GK5: variants seen among roughly 807,000 people sequenced by gnomAD.
GK5 encodes the protein ATP:glycerol 3-phosphotransferase 5.
A neutral mutation model predicts 77.3 loss-of-function variants in GK5; 39 were observed. The observed-to-expected ratio is 0.50, with a 90% CI of 0.39 to 0.66. The LOEUF is 0.66. Among genes scored for constraint, GK5 ranks in the 30% least tolerant of loss-of-function variants. The pLI is 0.00. For synonymous variants in GK5, 211 were observed against 208.0 expected (o/e 1.01, Z -0.13); for missense variants, 487 against 633.8 (o/e 0.77, Z 2.49).
intron 1 of GK5, among the ~76,000 whole-genome samples, chr3:142,222,125 T>C (rs956578821): frequency 1.3e-5 from 2 of 152,228 alleles, no homozygotes; most frequent in Admixed American, 6.5e-5. Flanking sequence ...ATTCCTAACA[T>C]TTTAACTGCA....
chr3:142,207,939 G>A (rs956233562), intron 3 of GK5, among the ~76,000 whole-genome samples: 4 of 152,134 alleles, frequency 2.6e-5, no homozygotes, highest in African/African-American at 9.7e-5. Context: ...TCGCTTTAGA[G>A]ATCCAAATGG....
intron 5 of GK5, among the ~76,000 whole-genome samples, chr3:142,197,174 G>A (rs936362786): frequency 7.9e-5 from 12 of 151,824 alleles, no homozygotes; most frequent in African/African-American, 2.9e-4. Flanking sequence ...GTGACAGAGT[G>A]AGACTCCGTC....
chr3:142,206,907 AT>A (rs1245064700), intron 3 of GK5, among the ~76,000 whole-genome samples: 1 of 152,228 alleles, frequency 6.6e-6, no homozygotes, highest in African/African-American at 2.4e-5. Flanking sequence ...CCAACCTATG[AT>A]TGCTACGGTT....
At chr3:142,210,693 C>T (rs1473179578) in intron 3 of GK5, among the ~76,000 whole-genome samples, 2 of 152,190 alleles carry the variant, frequency 1.3e-5, no homozygotes, top group African/African-American at 4.8e-5. Flanking sequence ...AAGTCTTATC[C>T]CTCTACAACA....
intron 9 of GK5, 87 bp from the exon 10 acceptor site, chr3:142,183,136 T>G (rs2063720012): frequency 8.8e-7 from 1 of 1,142,642 alleles, no homozygotes; most frequent in African/African-American, 1.6e-5. Flanking sequence ...TGTACTCTCA[T>G]GATTAAACAT....
chr3:142,160,881 G>A lies in GK5; in HGVS notation c.*4741C>T, dbSNP rs145089667. ...CTACAGGGGCATACCACCACACCTGGCTAATTTAAAAAAAATTTTTTTGTA... is the reference window on the plus strand; with the variant it reads ...CTACAGGGGCATACCACCACACCTGACTAATTTAAAAAAAATTTTTTTGTA... On this transcript the variant is annotated 3_prime_UTR_variant, in exon 16 of 16. Transcript: ENST00000392993. The A allele has an allele frequency of 6.6e-6, 1 of 152,056 alleles. No individual in the cohort carries two copies. The highest frequency in any genetic ancestry group is 1.5e-5 in the Non-Finnish European group (1 of 68,008). The allele number at this position is 152,056 out of a possible 1,614,324, so 9.4% of individuals were successfully genotyped here.
At chr3:142,223,184 T>A (rs1199375472) in intron 1 of GK5, among the ~76,000 whole-genome samples, 3 of 152,242 alleles carry the variant, frequency 2.0e-5, no homozygotes, top group Non-Finnish European at 2.9e-5. Flanking sequence ...AAAAAACTAA[T>A]GATCTGCCCC....
rs1036163060 is a variant in GK5, at chr3:142,220,144, AT to A, written c.148-4453del. Among the ~76,000 whole-genome samples the A allele has an allele frequency of 6.3e-4, 94 of 149,636 alleles. No individual in the cohort carries two copies. In the East Asian group the frequency reaches 6.6e-3, roughly 11 times the overall value. On this transcript the variant is annotated intron_variant, in intron 1 of 15. Coordinates refer to ENST00000392993, the MANE Select transcript of GK5 (RefSeq NM_001039547.3). Reference sequence around the variant, plus strand: ...ATAGGATCAGACCAGATTTTAACAAATTTTTTTTTTTGAGACGGAGTCTCGC... The same window carrying A: ...ATAGGATCAGACCAGATTTTAACAAATTTTTTTTTTGAGACGGAGTCTCGC...
intron 5 of GK5, among the ~76,000 whole-genome samples, chr3:142,193,243 CT>C (rs1252610930): frequency 6.6e-6 from 1 of 152,102 alleles, no homozygotes; most frequent in East Asian, 1.9e-4. Flanking sequence ...TAAAACTACT[CT>C]AAAATTAAAG....
chr3:142,173,260 A>T (rs1377463597), intron 12 of GK5: 1 of 405,162 alleles, frequency 2.5e-6, no homozygotes, highest in Non-Finnish European at 4.8e-6. Context: ...TTACTGCCTA[A>T]TATCAGAAAT....
At chr3:142,209,333 G>A (rs2064159611) in intron 3 of GK5, among the ~76,000 whole-genome samples, 1 of 152,174 alleles carries the variant, frequency 6.6e-6, no homozygotes, top group Non-Finnish European at 1.5e-5. Flanking sequence ...GCAAGATAAA[G>A]CGTGTCTTAG....
intron 9 of GK5, 196 bp downstream of exon 9, chr3:142,185,733 G>T: frequency 6.5e-7 from 1 of 1,537,416 alleles, no homozygotes. Flanking sequence ...TAGAATACTG[G>T]CTCAATGGTC....
chr3:142,219,393 TAAAA>T (rs1211974288), intron 1 of GK5, among the ~76,000 whole-genome samples: 2 of 151,902 alleles, frequency 1.3e-5, no homozygotes, highest in African/African-American at 4.8e-5. Context: ...TACTCAGAAA[TAAAA>T]AAGAATAAAC....
chr3:142,185,274 G>A (rs2063753331), intron 9 of GK5: 1 of 332,990 alleles, frequency 3.0e-6, no homozygotes, highest in Non-Finnish European at 4.3e-6. Context: ...TTAGCCAGGT[G>A]TCGTGGCACA....
Position 142,187,754 on chromosome 3 carries a change from T to G in GK5, c.569A>C (p.Asn190Thr). 1.2e-6 allele frequency: 2 copies of G among 1,612,612 alleles called. No homozygotes were observed. Among genetic ancestry groups the G allele is most frequent in the Non-Finnish European group, 1.7e-6 (2 of 1,179,606 alleles). The change falls in exon 6 of 16, where the codon AAT becomes ACT. Residue 190 changes from asparagine (N) to threonine (T), a missense_variant. Transcript: ENST00000392993. Reference protein sequence around the residue: ...TEVQKAVEEENCCFGTIDTWL... With the variant: ...TEVQKAVEEETCCFGTIDTWL... ...GGTATCAATAGTCCCAAAGCAGCAA[T>G]TTTCTTCTTCAACTGCCTTTTGCAC...
chr3:142,187,696 A>C lies in GK5; in HGVS notation c.619+8T>G. On this transcript the variant is annotated splice_region_variant and intron_variant, in intron 6 of 15. Transcript: ENST00000392993. ...TTATTTAAAATAGATCTTTCAGGTCATCTTTACCTTTTGTGAGCTTATATA... is the reference window on the plus strand; with the variant it reads ...TTATTTAAAATAGATCTTTCAGGTCCTCTTTACCTTTTGTGAGCTTATATA... 6.3e-7 allele frequency: 1 copy of C among 1,590,160 alleles called. No homozygotes were observed. Among genetic ancestry groups the C allele is most frequent in the Non-Finnish European group, 8.6e-7 (1 of 1,162,950 alleles).
chr3:142,211,978 T>C (rs1279196600), intron 3 of GK5, among the ~76,000 whole-genome samples: 1 of 152,208 alleles, frequency 6.6e-6, no homozygotes, highest in African/African-American at 2.4e-5. Context: ...ACATTCTCTA[T>C]GATTTCTATC....
chr3:142,217,960 T>TGAAAAAGAATAAAGTCAGAGAGGAA (rs2064295526), intron 1 of GK5, among the ~76,000 whole-genome samples: 1 of 151,528 alleles, frequency 6.6e-6, no homozygotes, highest in African/African-American at 2.4e-5. Flanking sequence ...AAAACAACGT[T>TGAAAAAGAATAAAGTCAGAGAGGAA]GAAAAAGAAT....
intron 9 of GK5, chr3:142,185,551 G>GGTTA (rs1487185553): frequency 2.9e-6 from 3 of 1,039,038 alleles, no homozygotes; most frequent in Non-Finnish European, 3.5e-6. Flanking sequence ...CACTGTTTGT[G>GGTTA]GTTACACATT....
Sources: gnomAD v4.1 joint callset for allele counts (sites outside exome capture counted in the v4.1 genomes callset) on GRCh38, gnomAD v4.1.1 for gene constraint, MANE v1.5 for transcripts, NCBI Gene and HGNC (gene_info 2026-07-23, HGNC 2026-07-21) for gene names.